Variants in CCDC149 observed in about 807,000 individuals in gnomAD.
CCDC149 encodes the protein coiled-coil domain-containing protein 149.
A neutral mutation model predicts 59.9 loss-of-function variants in CCDC149; 45 were observed. That is an observed-to-expected ratio of 0.75 (90% CI 0.59 to 0.96). The LOEUF (loss-of-function observed/expected upper bound fraction) is 0.96, where lower values mean the gene tolerates loss of function less well. CCDC149 is among the 40% of genes least tolerant of loss of function. The pLI, the probability that CCDC149 is intolerant of heterozygous loss-of-function variation, is 0.00. For missense variants in CCDC149, 584 were observed against 664.7 expected, an observed-to-expected ratio of 0.88 and a Z score of 1.33; for synonymous variants, 245 against 260.6, an observed-to-expected ratio of 0.94 and a Z score of 0.58.
intron 1 of CCDC149, among the ~76,000 whole-genome samples, chr4:24,909,674 G>C (rs1474632701): frequency 6.6e-6 from 1 of 152,144 alleles, no homozygotes; most frequent in Non-Finnish European, 1.5e-5. Flanking sequence ...GGAGATAATT[G>C]AATCATGGGG....
At chr4:24,853,928 T>G (rs1717837397) in intron 3 of CCDC149, among the ~76,000 whole-genome samples, 1 of 152,262 alleles carries the variant, frequency 6.6e-6, no homozygotes, top group East Asian at 1.9e-4. Context: ...TAGTACTAAA[T>G]AGCCAGGATA....
chr4:24,912,586 C>T (rs1241926690), intron 1 of CCDC149, among the ~76,000 whole-genome samples: 1 of 152,170 alleles, frequency 6.6e-6, no homozygotes, highest in African/African-American at 2.4e-5. Context: ...GGGGAAGGCC[C>T]CTCCCCAAAG....
At chr4:24,947,615 C>T (rs1451461801) in intron 1 of CCDC149, among the ~76,000 whole-genome samples, 1 of 152,164 alleles carries the variant, frequency 6.6e-6, no homozygotes, top group African/African-American at 2.4e-5. Flanking sequence ...CCTCCTCTTC[C>T]ATGAAATCCA....
intron 6 of CCDC149, 68 bp from the exon 7 acceptor site, chr4:24,836,576 G>A (rs1716542120): frequency 2.7e-6 from 3 of 1,122,582 alleles, no homozygotes; most frequent in East Asian, 2.4e-5. Flanking sequence ...TGAAGTATAA[G>A]GGGAAAAAAC....
chr4:24,813,489 A>AATATATCTATATATATATATATATAT (rs1186488610), intron 12 of CCDC149, among the ~76,000 whole-genome samples: 2 of 113,734 alleles, frequency 1.8e-5, no homozygotes, highest in African/African-American at 8.0e-5. Flanking sequence ...CAGCTTGGGG[A>AATATATCTATATATATATATATATAT]ATATATATAT....
upstream of CCDC149, among the ~76,000 whole-genome samples, chr4:24,914,387 A>T (rs1577482801): frequency 3.9e-4 from 1 of 2,582 alleles, no homozygotes; most frequent in Admixed American, 6.6e-3. Context: ...TGTTACCAGA[A>T]AAAAAAAAAA....
intron 1 of CCDC149, among the ~76,000 whole-genome samples, chr4:24,956,579 T>G (rs1016882246): frequency 6.6e-6 from 1 of 152,084 alleles, no homozygotes; most frequent in African/African-American, 2.4e-5. Context: ...ATCATAGCAA[T>G]TGGGCCCAGT....
At chr4:24,965,877 A>C (rs186572862) in intron 1 of CCDC149, among the ~76,000 whole-genome samples, 79 of 152,348 alleles carry the variant, frequency 5.2e-4, no homozygotes, top group Non-Finnish European at 8.5e-4. Context: ...CACGTTATGT[A>C]ACCATGCCAT....
At chr4:24,970,469 G>C (rs937950441) in intron 1 of CCDC149, among the ~76,000 whole-genome samples, 2 of 152,184 alleles carry the variant, frequency 1.3e-5, no homozygotes, top group Non-Finnish European at 2.9e-5. Context: ...GGTGGGGCTG[G>C]CTACTGGGGG....
chr4:24,895,022 G>C, intron 1 of CCDC149: 1 of 1,535,822 alleles, frequency 6.5e-7, no homozygotes, highest in Non-Finnish European at 8.7e-7. Context: ...CTCTGGCGAT[G>C]ATGATGATGA....
At chr4:24,834,569 G>A (rs1716370850) in intron 8 of CCDC149, among the ~76,000 whole-genome samples, 1 of 152,164 alleles carries the variant, frequency 6.6e-6, no homozygotes, top group African/African-American at 2.4e-5. Context: ...TTAGGAAACG[G>A]GGAACATTCT....
rs552003797 is a variant in CCDC149, at chr4:24,808,534, G to A, written c.1478C>T (p.Pro493Leu). ...CTCCCCCTGGATGGCCAGGCCTGGC[G>A]GGGCTGGCCCCGTCTCACTCCTCTG... The change falls in exon 13 of 13, where the codon CCG (proline) becomes CTG (leucine). Residue 493 changes from proline to leucine, a missense_variant. Coordinates refer to ENST00000635206, the MANE Select transcript of CCDC149 (RefSeq NM_001330643.2). 96 of 1,544,624 alleles carry A rather than the reference G, an allele frequency of 6.2e-5. 1 individual carries two copies. In the South Asian group the frequency reaches 9.2e-4, roughly 15 times the overall value.
intron 4 of CCDC149, among the ~76,000 whole-genome samples, chr4:24,844,529 T>TG (rs1311256046): frequency 6.6e-6 from 1 of 152,002 alleles, no homozygotes. Flanking sequence ...TCCCAGCACT[T>TG]TGGGAGGCTG....
Position 24,837,452 on chromosome 4 carries a change from T to G in CCDC149, c.490-52A>C. On this transcript the variant is annotated intron_variant, in intron 5 of 12. Coordinates refer to ENST00000635206, the MANE Select transcript of CCDC149 (RefSeq NM_001330643.2). This position sits in a 1 kb window ranked among gnomAD's most constrained non-coding sequence, Gnocchi z 4.3. Reference sequence around the variant, plus strand: ...CAAGATGTTCCTCAGGCTCCAGCTTTATGGCCAGAGATGGAGCCTCCCACT... The same window carrying G: ...CAAGATGTTCCTCAGGCTCCAGCTTGATGGCCAGAGATGGAGCCTCCCACT... The G allele has an allele frequency of 6.3e-7, 1 of 1,584,866 alleles. No homozygotes were observed.
chr4:24,966,730 G>T (rs1723815125), intron 1 of CCDC149, among the ~76,000 whole-genome samples: 1 of 152,246 alleles, frequency 6.6e-6, no homozygotes, highest in African/African-American at 2.4e-5. Context: ...GCCCAAGGGG[G>T]AGAAGGACAT....
chr4:24,953,256 G>GC (rs1723365688), intron 1 of CCDC149, among the ~76,000 whole-genome samples: 1 of 152,144 alleles, frequency 6.6e-6, no homozygotes, highest in Non-Finnish European at 1.5e-5. Context: ...GGAGGATGGG[G>GC]CCCTTTTTGC....
At position 24,931,274 on chromosome 4, in the gene CCDC149, T is replaced by A. The variant is rs200030515; in HGVS notation, c.-64-36156A>T. ...TATAATATGCATATGTATCTGTGTA[T>A]GTATATGTGTATTTATATATGTTTA... On this transcript the variant is annotated intron_variant, in intron 1 of 12. Coordinates refer to the CCDC149 transcript ENST00000389609. 2.0e-4 allele frequency among the ~76,000 whole-genome samples: 29 copies of A among 147,574 alleles called. No individual in the cohort carries two copies. In the East Asian group the frequency reaches 5.5e-3, roughly 28 times the overall value.
chr4:24,968,128 T>A (rs541897439), intron 1 of CCDC149, among the ~76,000 whole-genome samples: 1 of 152,362 alleles, frequency 6.6e-6, no homozygotes, highest in African/African-American at 2.4e-5. Context: ...TACAGGTCGT[T>A]GACCAGGGGC....
intron 1 of CCDC149, among the ~76,000 whole-genome samples, chr4:24,890,994 G>C (rs1321013967): frequency 2.0e-5 from 3 of 152,228 alleles, no homozygotes; most frequent in African/African-American, 7.2e-5. Flanking sequence ...ATTTCCGCCT[G>C]CAGCATGCAG....
Sources: allele counts gnomAD v4.1 joint callset (sites outside exome capture counted in the v4.1 genomes callset), GRCh38; gene constraint gnomAD v4.1.1; non-coding constraint Gnocchi (gnomAD v3.1); transcripts MANE v1.5; gene names NCBI Gene and HGNC (gene_info 2026-07-23, HGNC 2026-07-21).